The following NEDD9 variants were observed in gnomAD, a reference collection of about 807,000 sequenced individuals.
NEDD9 encodes the protein neural precursor cell expressed, developmentally down-regulated 9.
A neutral mutation model predicts 76.6 loss-of-function variants in NEDD9; 26 were observed. The observed-to-expected ratio is 0.34, with a 90% CI of 0.25 to 0.47. The LOEUF (loss-of-function observed/expected upper bound fraction) is 0.47, where lower values mean the gene tolerates loss of function less well. Among genes scored for constraint, NEDD9 ranks in the 20% least tolerant of loss-of-function variants. NEDD9 has a pLI of 1.00. For synonymous variants in NEDD9, 392 were observed against 414.2 expected, an observed-to-expected ratio of 0.95 and a Z score of 0.65; for missense variants, 937 against 1,058.5, an observed-to-expected ratio of 0.89 and a Z score of 1.59.
At chr6:11,299,869 G>C (rs995241753) in intron 3 of NEDD9, among the ~76,000 whole-genome samples, 3 of 152,180 alleles carry the variant, frequency 2.0e-5, no homozygotes, top group Non-Finnish European at 2.9e-5. Context: ...CAATGTCAAA[G>C]TCCAAAGGTA....
chr6:11,202,895 C>T (rs1483678493), intron 2 of NEDD9, among the ~76,000 whole-genome samples: 7 of 152,184 alleles, frequency 4.6e-5, no homozygotes, highest in Non-Finnish European at 7.3e-5. Context: ...CTTCTTTCCC[C>T]AGTGAGGAAA....
At chr6:11,348,587 A>T (rs781048377) in intron 1 of NEDD9, among the ~76,000 whole-genome samples, 1 of 152,186 alleles carries the variant, frequency 6.6e-6, no homozygotes, top group Non-Finnish European at 1.5e-5. Flanking sequence ...CACGCAGGCC[A>T]ATGGAACAGA....
intron 1 of NEDD9, among the ~76,000 whole-genome samples, chr6:11,377,832 A>G (rs1310222621): frequency 6.6e-6 from 1 of 152,160 alleles, no homozygotes; most frequent in Non-Finnish European, 1.5e-5. Context: ...GTGATCCCCA[A>G]TTTTGGAGGT....
At chr6:11,378,362 C>T (rs376425418) in intron 1 of NEDD9, among the ~76,000 whole-genome samples, 2 of 152,188 alleles carry the variant, frequency 1.3e-5, no homozygotes, top group African/African-American at 4.8e-5. Flanking sequence ...TTCCAGAGGC[C>T]TCACCAGAAG....
At chr6:11,189,536 CT>C (rs541263106) in intron 5 of NEDD9, among the ~76,000 whole-genome samples, 19 of 152,086 alleles carry the variant, frequency 1.2e-4, no homozygotes, top group African/African-American at 2.9e-4. Flanking sequence ...ATGACGAAAA[CT>C]TTTTTTTCAA....
At chr6:11,301,080 TAA>T (rs1366969142) in intron 3 of NEDD9, among the ~76,000 whole-genome samples, 7 of 152,160 alleles carry the variant, frequency 4.6e-5, no homozygotes, top group African/African-American at 1.4e-4. Flanking sequence ...GCAAATTGGA[TAA>T]AGAGTCAAGA....
At chr6:11,341,815 T>A (rs1286469660) in intron 1 of NEDD9, among the ~76,000 whole-genome samples, 5 of 152,192 alleles carry the variant, frequency 3.3e-5, no homozygotes. Context: ...ACAAGGGTAG[T>A]GTAATCCATA....
rs1373386826 is a variant in NEDD9 at position 11,342,577 on chromosome 6, G to GT, written c.-213-8017dup. ...ATTCTATATAAATTGAATAAAAATA[G>GT]TCTTCAAAATTGAAGGTGAAATGAA... On this transcript the variant is annotated intron_variant, in intron 1 of 3. Transcript: ENST00000397378. 2.0e-5 allele frequency among the ~76,000 whole-genome samples: 3 copies of GT among 152,258 alleles called. No individual in the cohort carries two copies. In the South Asian group the frequency reaches 6.2e-4, roughly 32 times the overall value.
intron 2 of NEDD9, among the ~76,000 whole-genome samples, chr6:11,317,250 T>C (rs1419355474): frequency 6.6e-6 from 1 of 151,950 alleles, no homozygotes; most frequent in East Asian, 1.9e-4. Flanking sequence ...CTGGCCAACA[T>C]GGTGAAACCC....
intron 3 of NEDD9, among the ~76,000 whole-genome samples, chr6:11,270,307 G>A (rs1053211641): frequency 1.3e-5 from 2 of 151,876 alleles, no homozygotes; most frequent in Non-Finnish European, 2.9e-5. Flanking sequence ...GTAATTAAAG[G>A]GAGCTAGAAT....
chr6:11,330,638 C>T (rs140273191), intron 2 of NEDD9, among the ~76,000 whole-genome samples: 7 of 152,276 alleles, frequency 4.6e-5, no homozygotes, highest in East Asian at 3.9e-4. Context: ...AGACAAGGTC[C>T]GTGACAAAGG....
At chr6:11,310,011 G>A (rs886318548) in intron 2 of NEDD9, among the ~76,000 whole-genome samples, 3 of 152,070 alleles carry the variant, frequency 2.0e-5, no homozygotes, top group East Asian at 1.9e-4. Context: ...ACATCGACAC[G>A]CCACTAGGAG....
intron 3 of NEDD9, among the ~76,000 whole-genome samples, chr6:11,263,865 A>T (rs1760157209): frequency 1.3e-5 from 2 of 152,184 alleles, no homozygotes; most frequent in South Asian, 4.1e-4. Flanking sequence ...CATCCTTGCA[A>T]ACCTTAGTCA....
intron 3 of NEDD9, among the ~76,000 whole-genome samples, chr6:11,239,346 T>C (rs1327899511): frequency 6.6e-6 from 1 of 152,128 alleles, no homozygotes; most frequent in East Asian, 1.9e-4. Context: ...TGTAGCCCAT[T>C]TTGCACTTAT....
rs191190119 is a variant in NEDD9, at chr6:11,246,849, C to T, written c.13-33122G>A. Among the ~76,000 whole-genome samples, 271 of 152,278 alleles carry T rather than the reference C, an allele frequency of 1.8e-3. 1 individual carries two copies. The highest frequency in any genetic ancestry group is 5.8e-3 in the Admixed American group (89 of 15,300). On this transcript the variant is annotated intron_variant, in intron 3 of 3. Coordinates refer to the NEDD9 transcript ENST00000397378. Reference sequence around the variant, plus strand: ...ACATGTTTCCTATCCAACAGGCTCTCGTTGCCTCCAGTTACGTGACTTAGG... The same window carrying T: ...ACATGTTTCCTATCCAACAGGCTCTTGTTGCCTCCAGTTACGTGACTTAGG...
chr6:11,287,473 AG>A (rs1488115119), intron 3 of NEDD9, among the ~76,000 whole-genome samples: 1 of 152,134 alleles, frequency 6.6e-6, no homozygotes, highest in Non-Finnish European at 1.5e-5. Flanking sequence ...CTGTGGACAT[AG>A]GTTTATACGT....
At chr6:11,214,302 T>G in intron 1 of NEDD9, 2 of 466,270 alleles carry the variant, frequency 4.3e-6, no homozygotes, top group Non-Finnish European at 8.4e-6. Flanking sequence ...CCAGAGAGAA[T>G]CCACAAGCAA....
Position 11,331,614 on chromosome 6 carries a change from A to G in NEDD9, c.-153+2887T>C, listed in dbSNP as rs527698019. ...AGGAAACTGAAGATGTTTAAAGCTAATCTCATGAGATTAGCATAGGAGGTG... is the reference window on the plus strand; with the variant it reads ...AGGAAACTGAAGATGTTTAAAGCTAGTCTCATGAGATTAGCATAGGAGGTG... On this transcript the variant is annotated intron_variant, in intron 2 of 3. Coordinates refer to the NEDD9 transcript ENST00000397378. Among the ~76,000 whole-genome samples the G allele has an allele frequency of 2.0e-5, 3 of 152,276 alleles. No homozygotes were observed. In the East Asian group the frequency reaches 5.8e-4, roughly 29 times the overall value.
chr6:11,259,769 ATTGTT>A (rs1760071784), intron 3 of NEDD9, among the ~76,000 whole-genome samples: 1 of 152,208 alleles, frequency 6.6e-6, no homozygotes, highest in African/African-American at 2.4e-5. Context: ...AGAGGTAGGT[ATTGTT>A]TTAAGATAAA....
Sources: gnomAD v4.1 joint callset for allele counts (sites outside exome capture counted in the v4.1 genomes callset) on GRCh38, gnomAD v4.1.1 for gene constraint, MANE v1.5 for transcripts, NCBI Gene and HGNC (gene_info 2026-07-23, HGNC 2026-07-21) for gene names.